Variants in SNRPA observed in about 807,000 individuals in gnomAD.
The protein encoded by SNRPA is U1 small nuclear ribonucleoprotein A.
Under a neutral mutation model 24.5 loss-of-function variants are expected in SNRPA, and 10 were observed. The observed-to-expected ratio is 0.41, with a 90% CI of 0.25 to 0.69. The LOEUF is 0.69. Among genes scored for constraint, SNRPA ranks in the 30% least tolerant of loss-of-function variants. SNRPA has a pLI of 0.33. For synonymous variants in SNRPA, 165 were observed against 148.4 expected (o/e 1.11, Z -0.81); for missense variants, 283 against 394.7 (o/e 0.72, Z 2.40).
chr19:40,761,460 T>TC (rs1352011768), intron 3 of SNRPA, among the ~76,000 whole-genome samples: 780 of 60,588 alleles, frequency 0.013, 11 homozygotes, highest in South Asian at 0.02. Context: ...TTCTTTTTCT[T>TC]TTTTTTTTTT....
chr19:40,762,431 G>A (rs1163229380), intron 3 of SNRPA, among the ~76,000 whole-genome samples: 3 of 152,060 alleles, frequency 2.0e-5, no homozygotes, highest in Non-Finnish European at 2.9e-5. Context: ...TGCCCAGGCT[G>A]GTCTCAAACT....
At chr19:40,753,835 C>A (rs1237985435) in intron 1 of SNRPA, among the ~76,000 whole-genome samples, 1 of 151,886 alleles carries the variant, frequency 6.6e-6, no homozygotes, top group African/African-American at 2.4e-5. Context: ...CTTCCTCTGT[C>A]GCCCAGGCTG....
Position 40,751,332 on chromosome 19 carries a change from G to T in SNRPA, c.-77G>T. The T allele has an allele frequency of 8.9e-7, 1 of 1,120,672 alleles. No individual in the cohort carries two copies. The highest frequency in any genetic ancestry group is 1.4e-6 in the Non-Finnish European group (1 of 730,864). The allele number at this position is 1,120,672 out of a possible 1,614,324, so 69.4% of individuals were successfully genotyped here. ...GGAAGATCCTTGAGCAGCCGACGTT[G>T]GGACAAAGGATTTGGAGAAACCCAG... is the stretch of plus-strand genomic sequence containing the variant. On this transcript the variant is annotated 5_prime_UTR_variant, in exon 1 of 6. Transcript: ENST00000243563.
At chr19:40,755,472 TAG>T (rs2082905132) in intron 1 of SNRPA, among the ~76,000 whole-genome samples, 1 of 152,010 alleles carries the variant, frequency 6.6e-6, no homozygotes, top group Admixed American at 6.6e-5. Context: ...CCTCCCAGGC[TAG>T]AGTGATCCTC....
At chr19:40,761,458 CTTTTTTTTTTTTTTTT>C (rs200242370) in intron 3 of SNRPA, among the ~76,000 whole-genome samples, 1 of 85,860 alleles carries the variant, frequency 1.2e-5, no homozygotes. Flanking sequence ...TTTTCTTTTT[CTTTTTTTTTTTTTTTT>C]TTTTTTTTTT....
intron 1 of SNRPA, among the ~76,000 whole-genome samples, chr19:40,756,083 G>C (rs1377138660): frequency 6.6e-6 from 1 of 152,022 alleles, no homozygotes. Flanking sequence ...GACCAACCTG[G>C]CCAACATAGG....
At chr19:40,755,447 TCA>T (rs2082905067) in intron 1 of SNRPA, among the ~76,000 whole-genome samples, 1 of 151,886 alleles carries the variant, frequency 6.6e-6, no homozygotes, top group African/African-American at 2.4e-5. Context: ...AGGTCATGGC[TCA>T]CTGCAACCTC....
intron 1 of SNRPA, among the ~76,000 whole-genome samples, chr19:40,751,824 C>A (rs1467070048): frequency 6.6e-6 from 1 of 152,150 alleles, no homozygotes; most frequent in Non-Finnish European, 1.5e-5. Context: ...GGGGCTCTCT[C>A]TCCTCCCAGT....
intron 5 of SNRPA, among the ~76,000 whole-genome samples, chr19:40,764,451 C>A (rs1052054812): frequency 6.6e-6 from 1 of 152,086 alleles, no homozygotes; most frequent in Non-Finnish European, 1.5e-5. Flanking sequence ...AAAAGGATAC[C>A]TAGTAAACAT....
intron 5 of SNRPA, 62 bp downstream of exon 5, chr19:40,763,737 A>C: frequency 1.5e-6 from 2 of 1,348,850 alleles, no homozygotes; most frequent in Non-Finnish European, 2.1e-6. Context: ...ATCTCCATGG[A>C]AACAGGCCTC....
chr19:40,761,458 C>CTTTTTTTTTTTTTTTTTTTTTTTTTT (rs200242370), intron 3 of SNRPA, among the ~76,000 whole-genome samples: 41 of 85,858 alleles, frequency 4.8e-4, no homozygotes, highest in Non-Finnish European at 6.5e-4. Context: ...TTTTCTTTTT[C>CTTTTTTTTTTTTTTTTTTTTTTTTTT]TTTTTTTTTT....
intron 3 of SNRPA, among the ~76,000 whole-genome samples, chr19:40,760,942 T>G (rs2082928779): frequency 6.6e-6 from 1 of 151,960 alleles, no homozygotes; most frequent in Non-Finnish European, 1.5e-5. Flanking sequence ...TTGTCTCTTT[T>G]TTGTTTTGTT....
chr19:40,760,319 T>G (rs2082926239), intron 3 of SNRPA, among the ~76,000 whole-genome samples: 1 of 152,184 alleles, frequency 6.6e-6, no homozygotes, highest in Non-Finnish European at 1.5e-5. Flanking sequence ...GTTTTATTTT[T>G]ATATGCCAGT....
intron 1 of SNRPA, among the ~76,000 whole-genome samples, chr19:40,754,147 A>G (rs1020313216): frequency 1.6e-5 from 2 of 123,610 alleles, no homozygotes; most frequent in Non-Finnish European, 3.2e-5. Context: ...TCTGTTGCCC[A>G]GGCTGGAATG....
intron 3 of SNRPA, 56 bp downstream of exon 3, chr19:40,759,666 G>GGACT: frequency 6.6e-7 from 1 of 1,508,870 alleles, no homozygotes; most frequent in Non-Finnish European, 8.9e-7. Flanking sequence ...TCAGCCACAT[G>GGACT]GACTGGCTTT....
At position 40,759,507 on chromosome 19, in the gene SNRPA, G is replaced by A. The variant is rs540507848; in HGVS notation, c.323G>A (p.Arg108Gln). 40 of 1,613,968 alleles carry A rather than the reference G, an allele frequency of 2.5e-5. No homozygotes were observed. The Admixed American group carries it at 4.3e-4, about 17-fold the overall frequency. ...ACCTTCGTGGAGCGGGACCGCAAGC[G>A]GGAGAAGAGGAAGCCCAAGAGCCAG... is the stretch of plus-strand genomic sequence containing the variant. ...KGTFVERDRKREKRKPKSQET... is the reference protein window; with the variant it reads ...KGTFVERDRKQEKRKPKSQET... Residue 108 changes from arginine to glutamine, a missense_variant, in exon 3 of 6, where the codon CGG becomes CAG. Arg to Gln is a conservative substitution (Grantham distance 43). This residue lies in a region of SNRPA where 167 missense variants were observed against 174.3 expected (regional missense o/e 0.96). Coordinates refer to ENST00000243563, the MANE Select transcript of SNRPA (RefSeq NM_004596.5).
At chr19:40,753,183 C>T (rs563054103) in intron 1 of SNRPA, among the ~76,000 whole-genome samples, 2 of 151,834 alleles carry the variant, frequency 1.3e-5, no homozygotes, top group Non-Finnish European at 2.9e-5. Context: ...GGTGAAACCC[C>T]GTCTCTACTG....
intron 1 of SNRPA, among the ~76,000 whole-genome samples, chr19:40,752,430 G>A (rs1200882706): frequency 1.3e-5 from 2 of 150,472 alleles, no homozygotes; most frequent in Non-Finnish European, 3.0e-5. Flanking sequence ...GAGGCCACCC[G>A]TATAGAATTC....
intron 5 of SNRPA, 24 bp downstream of exon 5, chr19:40,763,699 G>C (rs768830674): frequency 3.8e-6 from 6 of 1,585,882 alleles, no homozygotes; most frequent in Non-Finnish European, 5.2e-6. Context: ...GTGGCTGGGT[G>C]GTCCCTGGAG....
Sources: gnomAD v4.1 joint callset for allele counts (sites outside exome capture counted in the v4.1 genomes callset) on GRCh38, gnomAD v4.1.1 for gene constraint, gnomAD v4.1.1 regional missense constraint, MANE v1.5 for transcripts, NCBI Gene and HGNC (gene_info 2026-07-23, HGNC 2026-07-21) for gene names.